The following CAMKMT variants were observed in gnomAD, a reference collection of about 807,000 sequenced individuals.
The protein encoded by CAMKMT is CaM KMT.
In CAMKMT, 53 loss-of-function variants were observed where a neutral mutation model predicts 48.0. The observed-to-expected ratio is 1.10, with a 90% confidence interval of 0.89 to 1.39. The LOEUF is 1.39. CAMKMT is among the 40% of genes most tolerant of loss of function. The pLI, the probability that CAMKMT is intolerant of heterozygous loss-of-function variation, is 0.00. For synonymous variants in CAMKMT, 165 were observed against 152.3 expected (o/e 1.08, Z -0.61); for missense variants, 428 against 402.7 (o/e 1.06, Z -0.54).
intron 3 of CAMKMT, among the ~76,000 whole-genome samples, chr2:44,513,889 C>T (rs1334698373): frequency 2.0e-4 from 30 of 151,786 alleles, no homozygotes; most frequent in Non-Finnish European, 3.5e-4. Context: ...TCGCTTGAGC[C>T]CAGGAGTTCA....
At chr2:44,477,311 C>T (rs1200027845) in intron 3 of CAMKMT, among the ~76,000 whole-genome samples, 1 of 152,124 alleles carries the variant, frequency 6.6e-6, no homozygotes, top group African/African-American at 2.4e-5. Context: ...CAGGTGTACC[C>T]ACCCTGAGAA....
At chr2:44,435,609 C>T (rs1407549127) in intron 3 of CAMKMT, among the ~76,000 whole-genome samples, 1 of 152,140 alleles carries the variant, frequency 6.6e-6, no homozygotes, top group African/African-American at 2.4e-5. Context: ...TTCTGGCTTT[C>T]CAGTAGTGAC....
chr2:44,735,147 T>A (rs975120028), intron 7 of CAMKMT, among the ~76,000 whole-genome samples: 3 of 152,240 alleles, frequency 2.0e-5, no homozygotes, highest in Non-Finnish European at 4.4e-5. Flanking sequence ...CTACTATGTC[T>A]GATATGAATA....
At chr2:44,375,809 G>T (rs1322591467) in intron 2 of CAMKMT, among the ~76,000 whole-genome samples, 2 of 151,562 alleles carry the variant, frequency 1.3e-5, no homozygotes, top group African/African-American at 4.8e-5. Context: ...TTTTAGAGAA[G>T]GAGTCTCAAT....
In CAMKMT at chr2:44,772,269, C is replaced by T; in HGVS notation, c.*156C>T. On this transcript the variant is annotated 3_prime_UTR_variant, in exon 11 of 11. Coordinates refer to ENST00000378494, the MANE Select transcript of CAMKMT (RefSeq NM_024766.5). ...TCCACCTGTCCTCACCCACGTTATTCCCCAGCTGCCCTCTCCAGCTCCCTC... is the reference window on the plus strand; with the variant it reads ...TCCACCTGTCCTCACCCACGTTATTTCCCAGCTGCCCTCTCCAGCTCCCTC... The T allele has an allele frequency of 3.4e-6, 2 of 592,264 alleles. No homozygotes were observed. Among genetic ancestry groups the T allele is most frequent in the Non-Finnish European group, 5.9e-6 (2 of 336,526 alleles). 36.7% of individuals were successfully genotyped at this position (592,264 alleles called of 1,614,324 possible). A position where few individuals can be genotyped will look rare whatever the true frequency, so the allele number is the denominator to read the frequency against.
chr2:44,407,149 AGTT>A (rs1168458103), intron 3 of CAMKMT, among the ~76,000 whole-genome samples: 1 of 152,106 alleles, frequency 6.6e-6, no homozygotes, highest in Non-Finnish European at 1.5e-5. Flanking sequence ...AGTTATCTGC[AGTT>A]GTTCTGGTGG....
At chr2:44,471,960 C>T (rs111828588) in intron 3 of CAMKMT, among the ~76,000 whole-genome samples, 4,357 of 152,116 alleles carry the variant, frequency 0.029, 200 homozygotes, top group African/African-American at 0.099. Flanking sequence ...GGATTACAGG[C>T]GTGAGCCACC....
At chr2:44,402,503 C>T (rs960937235) in intron 3 of CAMKMT, among the ~76,000 whole-genome samples, 8 of 151,886 alleles carry the variant, frequency 5.3e-5, no homozygotes, top group African/African-American at 1.9e-4. Context: ...TCCCATTATT[C>T]CAATATTTTA....
chr2:44,463,591 A>G (rs1260314641), intron 3 of CAMKMT, among the ~76,000 whole-genome samples: 1 of 152,232 alleles, frequency 6.6e-6, no homozygotes. Flanking sequence ...CCTGACTCAG[A>G]GTGCTAGCTG....
chr2:44,696,704 A>T (rs929902251), intron 3 of CAMKMT, among the ~76,000 whole-genome samples: 10 of 152,198 alleles, frequency 6.6e-5, no homozygotes, highest in African/African-American at 2.4e-4. Context: ...AGCCTTCTTT[A>T]CTTCCAGAAT....
intron 2 of CAMKMT, among the ~76,000 whole-genome samples, chr2:44,381,938 C>G (rs1680282547): frequency 1.5e-5 from 2 of 131,088 alleles, no homozygotes; most frequent in Non-Finnish European, 3.2e-5. Context: ...TTTTATCTTA[C>G]ACTTTTTTTT....
chr2:44,595,962 G>T (rs571496404), intron 3 of CAMKMT, among the ~76,000 whole-genome samples: 4 of 151,520 alleles, frequency 2.6e-5, no homozygotes, highest in East Asian at 1.9e-4. Flanking sequence ...GGGCTGGGGG[G>T]GCATCACACA....
At chr2:44,598,182 C>T (rs1248206511) in intron 3 of CAMKMT, among the ~76,000 whole-genome samples, 1 of 151,984 alleles carries the variant, frequency 6.6e-6, no homozygotes, top group Non-Finnish European at 1.5e-5. Context: ...TATTACTGTT[C>T]ATAGCCTACA....
At chr2:44,386,174 G>T (rs1680761641) in intron 2 of CAMKMT, among the ~76,000 whole-genome samples, 1 of 151,948 alleles carries the variant, frequency 6.6e-6, no homozygotes, top group South Asian at 2.1e-4. Context: ...TCTGTTCAGG[G>T]TATCTAATTC....
chr2:44,523,468 A>T (rs945537839), intron 3 of CAMKMT, among the ~76,000 whole-genome samples: 3 of 151,356 alleles, frequency 2.0e-5, no homozygotes, highest in Non-Finnish European at 4.4e-5. Flanking sequence ...AATTTTTTGC[A>T]TTTTTTTGTA....
intron 3 of CAMKMT, among the ~76,000 whole-genome samples, chr2:44,567,995 T>C (rs1348908583): frequency 6.6e-6 from 1 of 150,634 alleles, no homozygotes; most frequent in Non-Finnish European, 1.5e-5. Context: ...ATTGTTTACT[T>C]GCAGTTATGA....
At chr2:44,431,046 T>G (rs571908999) in intron 3 of CAMKMT, among the ~76,000 whole-genome samples, 6 of 152,346 alleles carry the variant, frequency 3.9e-5, no homozygotes, top group Admixed American at 1.3e-4. Flanking sequence ...TACATAATTC[T>G]CTTACAAATA....
intron 3 of CAMKMT, among the ~76,000 whole-genome samples, chr2:44,482,549 T>C (rs1669025591): frequency 1.3e-5 from 2 of 152,204 alleles, no homozygotes; most frequent in Non-Finnish European, 2.9e-5. Context: ...TAGGTAAATA[T>C]ATTTACTTAT....
At chr2:44,564,176 CTT>C (rs10599009) in intron 3 of CAMKMT, among the ~76,000 whole-genome samples, 71,366 of 136,700 alleles carry the variant, frequency 0.52, 19,120 homozygotes, top group Middle Eastern at 0.65. Context: ...TTGATCAGAA[CTT>C]TTTTTTTTTT....
Sources: gnomAD v4.1 joint callset for allele counts (sites outside exome capture counted in the v4.1 genomes callset) on GRCh38, gnomAD v4.1.1 for gene constraint, MANE v1.5 for transcripts, NCBI Gene and HGNC (gene_info 2026-07-23, HGNC 2026-07-21) for gene names.